Variants in DST observed in about 807,000 individuals in gnomAD.
DST encodes bullous pemphigoid antigen.
A neutral mutation model predicts 875.2 loss-of-function variants in DST; 253 were observed. That is an observed-to-expected ratio of 0.29 (90% confidence interval 0.26 to 0.32). The LOEUF is 0.32. Among genes scored for constraint, DST ranks in the 10% least tolerant of loss-of-function variants. The pLI is 1.00. For synonymous variants in DST, 3,124 were observed against 3,197.1 expected (o/e 0.98, Z 0.77); for missense variants, 8,287 against 9,111.6 (o/e 0.91, Z 3.68).
At chr6:56,496,529 T>C (rs1445548578) in intron 82 of DST, among the ~76,000 whole-genome samples, 1 of 152,042 alleles carries the variant, frequency 6.6e-6, no homozygotes, top group East Asian at 1.9e-4. Flanking sequence ...TGAAACCAAA[T>C]GAGACAATCA....
chr6:56,801,747 A>ATTTTTT (rs200681543), intron 4 of DST, among the ~76,000 whole-genome samples: 1 of 132,370 alleles, frequency 7.6e-6, no homozygotes, highest in Non-Finnish European at 1.6e-5. Flanking sequence ...TCACACAATA[A>ATTTTTT]TTTTTTTTTT....
chr6:56,837,517 ATATC>A (rs1247425995), intron 4 of DST, among the ~76,000 whole-genome samples: 2 of 151,994 alleles, frequency 1.3e-5, no homozygotes, highest in African/African-American at 4.8e-5. Flanking sequence ...GCTCTTTCTA[ATATC>A]TATCTAACTT....
intron 4 of DST, among the ~76,000 whole-genome samples, chr6:56,767,971 C>T (rs1174268809): frequency 6.6e-6 from 1 of 152,002 alleles, no homozygotes; most frequent in Non-Finnish European, 1.5e-5. Context: ...AATAAAGAGA[C>T]CAAGACAAAA....
intron 53 of DST, among the ~76,000 whole-genome samples, chr6:56,571,539 G>A (rs1361266658): frequency 1.3e-5 from 2 of 152,192 alleles, no homozygotes; most frequent in Non-Finnish European, 2.9e-5. Flanking sequence ...AAACTAACGT[G>A]AGATCAGAAA....
chr6:56,678,003 G>A (rs1307165132), intron 9 of DST, among the ~76,000 whole-genome samples: 6 of 152,196 alleles, frequency 3.9e-5, no homozygotes, highest in Non-Finnish European at 8.8e-5. Flanking sequence ...CCCACAGGCG[G>A]GGCAGGTGAA....
intron 57 of DST, 132 bp downstream of exon 57, chr6:56,561,176 A>T: frequency 9.6e-7 from 1 of 1,042,464 alleles, no homozygotes. Flanking sequence ...ATTAAACAAA[A>T]CTGTCAATTA....
chr6:56,812,508 G>A (rs1383836083), intron 4 of DST, among the ~76,000 whole-genome samples: 1 of 152,074 alleles, frequency 6.6e-6, no homozygotes, highest in African/African-American at 2.4e-5. Flanking sequence ...TCTTATAAGG[G>A]ATGAAATATT....
At chr6:56,733,309 TA>T (rs2099509683) in intron 5 of DST, among the ~76,000 whole-genome samples, 1 of 151,996 alleles carries the variant, frequency 6.6e-6, no homozygotes, top group Non-Finnish European at 1.5e-5. Flanking sequence ...CTAAAATGAA[TA>T]AACTAAAAGG....
chr6:56,646,529 T>C (rs1447244284), intron 13 of DST, among the ~76,000 whole-genome samples: 1 of 152,176 alleles, frequency 6.6e-6, no homozygotes, highest in Non-Finnish European at 1.5e-5. Context: ...TGCTGCACTT[T>C]AGCTTTCAGT....
At chr6:56,695,050 C>T (rs966969429) in intron 9 of DST, among the ~76,000 whole-genome samples, 1 of 149,916 alleles carries the variant, frequency 6.7e-6, no homozygotes, top group African/African-American at 2.5e-5. Context: ...TCACTTGAAC[C>T]CAGGAGGTGG....
chr6:56,712,889 T>C (rs946756327), intron 5 of DST, among the ~76,000 whole-genome samples: 1 of 152,204 alleles, frequency 6.6e-6, no homozygotes, highest in Non-Finnish European at 1.5e-5. Flanking sequence ...AATGACTCTC[T>C]TGTAACGTTA....
chr6:56,907,534 G>A (rs1241902962), intron 2 of DST, among the ~76,000 whole-genome samples: 1 of 152,146 alleles, frequency 6.6e-6, no homozygotes, highest in Non-Finnish European at 1.5e-5. Flanking sequence ...AAGGCAAAAA[G>A]TTGCAATTAG....
At chr6:56,720,349 C>CTTTTT (rs386407172) in intron 5 of DST, among the ~76,000 whole-genome samples, 34 of 130,228 alleles carry the variant, frequency 2.6e-4, no homozygotes, top group Middle Eastern at 8.1e-3. Flanking sequence ...TTATCCTGTT[C>CTTTTT]TTTTTTTTTT....
chr6:56,521,577 A>C (rs1188831639), intron 69 of DST, among the ~76,000 whole-genome samples: 1 of 144,592 alleles, frequency 6.9e-6, no homozygotes, highest in Non-Finnish European at 1.5e-5. Flanking sequence ...TTCTTTGATC[A>C]AGTCAAACAT....
intron 55 of DST, among the ~76,000 whole-genome samples, chr6:56,563,830 A>G (rs1009107346): frequency 6.6e-6 from 1 of 152,208 alleles, no homozygotes; most frequent in African/African-American, 2.4e-5. Context: ...CATTTATTAA[A>G]TAGGGAATCC....
intron 92 of DST, among the ~76,000 whole-genome samples, chr6:56,474,579 A>G (rs1212880986): frequency 6.6e-6 from 1 of 152,192 alleles, no homozygotes; most frequent in Non-Finnish European, 1.5e-5. Context: ...AATAACCTGC[A>G]TGGACACATG....
intron 2 of DST, among the ~76,000 whole-genome samples, chr6:56,907,616 G>A (rs183858310): frequency 1.8e-3 from 274 of 152,270 alleles, no homozygotes; most frequent in Admixed American, 2.9e-3. Context: ...CTTATGTAAA[G>A]AGATTATAAG....
Position 56,609,188 on chromosome 6 carries a change from T to G in DST, c.5440A>C (p.Lys1814Gln), listed in dbSNP as rs1295930964. 1 of 1,613,856 alleles carries G rather than the reference T, an allele frequency of 6.2e-7. No homozygotes were observed. ...TTGGCATCTTTAAGGTCAAAGCACT[T>G]TCTTAATTCTGGTGAAATTAGACCA... ...ISGLISPELRKCFDLKDAKSH... is the reference protein window; with the variant it reads ...ISGLISPELRQCFDLKDAKSH... The change falls in exon 40 of 104, where the codon AAG becomes CAG. Residue 1814 changes from lysine (K) to glutamine (Q), a missense_variant. Around this residue, in one of 10 missense-constraint regions of DST, gnomAD observed 3,138 missense variants for 3,116.6 expected, o/e 1.01. Transcript: ENST00000680361.
rs534659585 is a variant in DST at position 56,938,282 on chromosome 6, A to G, written c.216+15503T>C. ...CCTGAGTAACTGGGACAACAGGTGC[A>G]TACCATCATGCCCAGCTAATTTTTT... On this transcript the variant is annotated intron_variant, in intron 2 of 103. Coordinates refer to ENST00000680361, the MANE Select transcript of DST (RefSeq NM_001374736.1). 2.6e-5 allele frequency among the ~76,000 whole-genome samples: 4 copies of G among 152,110 alleles called. No homozygotes were observed. The South Asian group carries it at 8.3e-4, about 32-fold the overall frequency.
Sources: gnomAD v4.1 joint callset for allele counts (sites outside exome capture counted in the v4.1 genomes callset) on GRCh38, gnomAD v4.1.1 for gene constraint, gnomAD v4.1.1 regional missense constraint, MANE v1.5 for transcripts, NCBI Gene and HGNC (gene_info 2026-07-23, HGNC 2026-07-21) for gene names.